Variants in EVI2B observed in about 807,000 individuals in gnomAD.
EVI2B encodes the protein ecotropic viral integration site 2B, also known as protein EVI2B.
EVI2B carries 4 observed loss-of-function variants against 6.6 expected under a neutral mutation model. That is an observed-to-expected ratio of 0.61 (90% CI 0.30 to 1.39). The LOEUF (loss-of-function observed/expected upper bound fraction) is 1.39, where lower values mean the gene tolerates loss of function less well. EVI2B is among the 40% of genes most tolerant of loss of function. EVI2B has a pLI of 0.08. For synonymous variants in EVI2B, 181 were observed against 186.8 expected (o/e 0.97, Z 0.25); for missense variants, 484 against 516.6 (o/e 0.94, Z 0.61).
chr17:31,304,230 A>T lies in EVI2B; in HGVS notation c.*33T>A, dbSNP rs2068644324. ...ATAAAGAAAAAAGAGTCATTTGAGG[A>T]TGGAAGATCAGCTAAAAAGCAAGTT... On this transcript the variant is annotated 3_prime_UTR_variant, in exon 2 of 2. Transcript: ENST00000330927. 3 of 1,539,168 alleles carry T rather than the reference A, an allele frequency of 1.9e-6. No homozygotes were observed. The highest frequency in any genetic ancestry group is 1.4e-5 in the African/African-American group (1 of 72,118).
rs568766287 is a variant in EVI2B, at chr17:31,309,127, G to T, written c.-21-3497C>A. ...CAGTTTGCCTGATGTTATACCACTC[G>T]AAGTGACAGATTGGGAGTTTGTACC... On this transcript the variant is annotated intron_variant, in intron 1 of 1. Transcript: ENST00000330927. Among the ~76,000 whole-genome samples, 18 of 152,316 alleles carry T rather than the reference G, an allele frequency of 1.2e-4. No individual in the cohort carries two copies. In the South Asian group the frequency reaches 3.7e-3, roughly 32 times the overall value.
In EVI2B at chr17:31,305,219, C is replaced by T; in HGVS notation, c.391G>A (p.Ala131Thr). ...GGTGGTTGTGTGGTAGAAGTACGGG[C>T]AGATGGTAGTTGTCTGGCAGAGGTG... ...VFTSARQLPS[A>T]RTSTTQPPKS... The change falls in exon 2 of 2, where the codon GCC becomes ACC. Residue 131 changes from alanine to threonine, a missense_variant. By Grantham distance (58) the Ala-to-Thr change is moderately conservative (BLOSUM62 0). Transcript: ENST00000330927. 1 of 1,614,088 alleles carries T rather than the reference C, an allele frequency of 6.2e-7. No individual in the cohort carries two copies. Among genetic ancestry groups the T allele is most frequent in the Non-Finnish European group, 8.5e-7 (1 of 1,180,022 alleles).
Position 31,304,742 on chromosome 17 carries a change from T to G in EVI2B, c.868A>C (p.Lys290Gln). 1.2e-6 allele frequency: 2 copies of G among 1,614,224 alleles called. No homozygotes were observed. Among genetic ancestry groups the G allele is most frequent in the Non-Finnish European group, 1.7e-6 (2 of 1,180,028 alleles). The change falls in exon 2 of 2, where the codon AAG becomes CAG. Residue 290 changes from lysine (K) to glutamine (Q), a missense_variant. Transcript: ENST00000330927. ...STLLADDLEI[K>Q]LFESSENIED... ...ATGTTTTCACTTGATTCAAACAACT[T>G]AATTTCTAAGTCATCTGCTAAAAGT...
Position 31,305,592 on chromosome 17 carries a change from G to C in EVI2B, c.18C>G (p.Phe6Leu), listed in dbSNP as rs1252985370. 1.2e-6 allele frequency: 2 copies of C among 1,612,408 alleles called. No homozygotes were observed. The highest frequency in any genetic ancestry group is 3.3e-5 in the Admixed American group (2 of 59,738). Residue 6 changes from phenylalanine to leucine, a missense_variant, in exon 2 of 2, where the codon TTC becomes TTG. Physicochemically the swap from Phe to Leu is conservative, Grantham distance 22. Coordinates refer to ENST00000330927, the MANE Select transcript of EVI2B (RefSeq NM_006495.4). ...GGTGTCCACAAAACAAAATTAAGATGAAATATTTGGGATCCATTTCAGAAT... is the reference window on the plus strand; with the variant it reads ...GGTGTCCACAAAACAAAATTAAGATCAAATATTTGGGATCCATTTCAGAAT... MDPKY[F>L]ILILFCGHLN...
At position 31,303,801 on chromosome 17, in the gene EVI2B, T is replaced by G. The variant is rs1235641620; in HGVS notation, c.*462A>C. 1 of 152,580 alleles carries G rather than the reference T, an allele frequency of 6.6e-6. No homozygotes were observed. Among genetic ancestry groups the G allele is most frequent in the Non-Finnish European group, 1.5e-5 (1 of 68,240 alleles). 9.5% of individuals were successfully genotyped at this position (152,580 alleles called of 1,614,324 possible). A position where few individuals can be genotyped will look rare whatever the true frequency, so the allele number is the denominator to read the frequency against. ...CTCAAACATGCATTTTAATCTCCCA[T>G]TCCCACAAACTTGGAATATTTATTT... On this transcript the variant is annotated 3_prime_UTR_variant, in exon 2 of 2. Coordinates refer to ENST00000330927, the MANE Select transcript of EVI2B (RefSeq NM_006495.4).
At chr17:31,308,605 A>G (rs916920364) in intron 1 of EVI2B, among the ~76,000 whole-genome samples, 5 of 151,522 alleles carry the variant, frequency 3.3e-5, no homozygotes, top group African/African-American at 9.7e-5. Context: ...AGACACTTCT[A>G]TGCTGTTTTT....
Position 31,313,876 on chromosome 17 carries a change from A to T in EVI2B, c.-22+103T>A, listed in dbSNP as rs9898921. 2,847 of 393,022 alleles carry T rather than the reference A, an allele frequency of 7.2e-3. 71 individuals are homozygous for T. The highest frequency in any genetic ancestry group is 0.049 in the African/African-American group (2,395 of 48,558). 24.3% of individuals were successfully genotyped at this position (393,022 alleles called of 1,614,324 possible). On this transcript the variant is annotated intron_variant, in intron 1 of 1. Transcript: ENST00000330927. Reference sequence around the variant, plus strand: ...AAAACCACAAAAACCTGTTATAGACATCTTTAGACTATCAGAGTTTAAGTT... The same window carrying T: ...AAAACCACAAAAACCTGTTATAGACTTCTTTAGACTATCAGAGTTTAAGTT...
rs2068679547 is a variant in EVI2B, at chr17:31,305,145, G to T, written c.465C>A (p.Ile155=). 6.2e-7 allele frequency: 1 copy of T among 1,614,060 alleles called. No individual in the cohort carries two copies. Among genetic ancestry groups the T allele is most frequent in the South Asian group, 1.1e-5 (1 of 91,084 alleles). The change falls in exon 2 of 2, where the codon ATC becomes ATA. Residue 155 remains isoleucine (I), a synonymous_variant. Coordinates refer to ENST00000330927, the MANE Select transcript of EVI2B (RefSeq NM_006495.4). Reference sequence around the variant, plus strand: ...GAACAGTTATTTGTTTTCTAGAAGGGATCTGGACAGATGATGATTGTTGAG... The same window carrying T: ...GAACAGTTATTTGTTTTCTAGAAGGTATCTGGACAGATGATGATTGTTGAG... ...TFTQQSSSVQ[I]PSRKQITVHN...
chr17:31,304,347 G>C lies in EVI2B; in HGVS notation c.1263C>G (p.Ile421Met), dbSNP rs774261958. The C allele has an allele frequency of 6.2e-7, 1 of 1,614,118 alleles. No homozygotes were observed. Among genetic ancestry groups the C allele is most frequent in the East Asian group, 2.2e-5 (1 of 44,872 alleles). The change falls in exon 2 of 2, where the codon ATC becomes ATG. Residue 421 changes from isoleucine to methionine, a missense_variant. Ile to Met is a conservative substitution (Grantham distance 10). Coordinates refer to ENST00000330927, the MANE Select transcript of EVI2B (RefSeq NM_006495.4). ...GAGGAATAGAGAACTCCTGACACTG[G>C]ATCTCAAGGTTGGAATCTTCTTGGT... ...MKNQEDSNLEIQCQEFSIPPN... is the reference protein window; with the variant it reads ...MKNQEDSNLEMQCQEFSIPPN...
In EVI2B at chr17:31,304,084, G is replaced by A. The variant is rs1318096063; in HGVS notation, c.*179C>T. ...TACTATAATTAGTAAATAGATTACT[G>A]TTAAATAACTTTTTTTAAAAAAAAG... On this transcript the variant is annotated 3_prime_UTR_variant, in exon 2 of 2. Transcript: ENST00000330927. 3.6e-6 allele frequency: 2 copies of A among 548,962 alleles called. No homozygotes were observed. The highest frequency in any genetic ancestry group is 6.3e-6 in the Non-Finnish European group (2 of 318,094). The allele number at this position is 548,962 out of a possible 1,614,324, so 34.0% of individuals were successfully genotyped here.
At chr17:31,313,283 C>A (rs1453860407) in intron 1 of EVI2B, among the ~76,000 whole-genome samples, 5 of 152,108 alleles carry the variant, frequency 3.3e-5, no homozygotes, top group Non-Finnish European at 5.9e-5. Context: ...TACATTAGAA[C>A]TTTTAACAAT....
At chr17:31,313,162 C>G (rs1016775388) in intron 1 of EVI2B, among the ~76,000 whole-genome samples, 2 of 152,086 alleles carry the variant, frequency 1.3e-5, no homozygotes, top group Non-Finnish European at 2.9e-5. Flanking sequence ...CATCTGATTT[C>G]TTTTTCTTTC....
At chr17:31,307,041 T>C (rs890871340) in intron 1 of EVI2B, among the ~76,000 whole-genome samples, 6 of 151,838 alleles carry the variant, frequency 4.0e-5, no homozygotes, top group African/African-American at 7.3e-5. Flanking sequence ...TTTTTTTTTT[T>C]CAAGACAGTC....
At chr17:31,308,967 C>T (rs1597806160) in intron 1 of EVI2B, among the ~76,000 whole-genome samples, 2 of 152,278 alleles carry the variant, frequency 1.3e-5, no homozygotes, top group African/African-American at 4.8e-5. Flanking sequence ...AAGAAAAATA[C>T]TTATCTAGAG....
At chr17:31,307,083 C>T (rs1448579240) in intron 1 of EVI2B, among the ~76,000 whole-genome samples, 2 of 151,852 alleles carry the variant, frequency 1.3e-5, no homozygotes. Flanking sequence ...AGTGTAGTGG[C>T]ACAATCTGGG....
At chr17:31,310,267 AAAC>A (rs1201846629) in intron 1 of EVI2B, among the ~76,000 whole-genome samples, 2 of 152,170 alleles carry the variant, frequency 1.3e-5, no homozygotes, top group East Asian at 1.9e-4. Context: ...AAAAGAGAAA[AAAC>A]AAAAACTCTA....
chr17:31,308,145 C>CTT (rs953335153), intron 1 of EVI2B, among the ~76,000 whole-genome samples: 1 of 145,640 alleles, frequency 6.9e-6, no homozygotes. Context: ...CTTCCTTTTT[C>CTT]TTTTTTTTTT....
chr17:31,308,867 T>G (rs757972298), intron 1 of EVI2B, among the ~76,000 whole-genome samples: 2 of 152,224 alleles, frequency 1.3e-5, no homozygotes, highest in African/African-American at 4.8e-5. Flanking sequence ...ACTTCTATTC[T>G]CTTAAGTAAT....
intron 1 of EVI2B, among the ~76,000 whole-genome samples, 163 bp downstream of exon 1, chr17:31,313,816 C>T (rs535095236): frequency 6.6e-6 from 1 of 151,204 alleles, no homozygotes; most frequent in Non-Finnish European, 1.5e-5. Context: ...TTTTCTAAGG[C>T]AAGCTGAACT....
Sources: gnomAD v4.1 joint callset for allele counts (sites outside exome capture counted in the v4.1 genomes callset) on GRCh38, gnomAD v4.1.1 for gene constraint, MANE v1.5 for transcripts, NCBI Gene and HGNC (gene_info 2026-07-23, HGNC 2026-07-21) for gene names.